The following AMZ2 variants were observed in gnomAD, a reference collection of about 807,000 sequenced individuals.
AMZ2 encodes the protein archaelysin family metallopeptidase 2.
In AMZ2, 26 loss-of-function variants were observed where a neutral mutation model predicts 36.7. The observed-to-expected ratio is 0.71, with a 90% CI of 0.52 to 0.98. AMZ2 has a LOEUF of 0.98. Ranked by LOEUF, AMZ2 falls within the 50% of genes least tolerant of loss-of-function variation. AMZ2 has a pLI of 0.00. For missense variants in AMZ2, 394 were observed against 430.5 expected (o/e 0.92, Z 0.75); for synonymous variants, 144 against 149.1 (o/e 0.97, Z 0.25).
intron 1 of AMZ2, among the ~76,000 whole-genome samples, chr17:68,219,858 A>G (rs2073302444): frequency 6.6e-6 from 1 of 152,074 alleles, no homozygotes; most frequent in Non-Finnish European, 1.5e-5. Context: ...TGAAGCTATT[A>G]TTGTTCATAG....
At chr17:68,216,811 A>C (rs1172044966) in intron 1 of AMZ2, among the ~76,000 whole-genome samples, 7 of 152,166 alleles carry the variant, frequency 4.6e-5, no homozygotes, top group Non-Finnish European at 1.0e-4. Context: ...CGGGCAGATC[A>C]CAAGGTCAGG....
intron 1 of AMZ2, among the ~76,000 whole-genome samples, chr17:68,211,798 G>GTATATGTATATA (rs1274662517): frequency 0.025 from 1,581 of 62,306 alleles, 67 homozygotes; most frequent in African/African-American, 0.11. Flanking sequence ...ATGTATATAT[G>GTATATGTATATA]TGTATATGTA....
chr17:68,242,635 AC>A (rs2073925429), intron 1 of AMZ2, among the ~76,000 whole-genome samples: 2 of 151,984 alleles, frequency 1.3e-5, no homozygotes, highest in African/African-American at 4.8e-5. Flanking sequence ...CAGGACTCAA[AC>A]CCCTGACCTC....
chr17:68,241,048 A>G (rs1204936079), intron 1 of AMZ2, among the ~76,000 whole-genome samples: 2 of 152,168 alleles, frequency 1.3e-5, no homozygotes, highest in Non-Finnish European at 2.9e-5. Context: ...AGGGGATCCA[A>G]CAGAGCAAAG....
intron 4 of AMZ2, among the ~76,000 whole-genome samples, chr17:68,252,446 G>A (rs1187067611): frequency 6.6e-6 from 1 of 152,122 alleles, no homozygotes; most frequent in Non-Finnish European, 1.5e-5. Context: ...TTTATCATAA[G>A]TTTTCTCTTT....
rs138397496 is a variant in AMZ2, at chr17:68,255,441, G to T, written c.751-259G>T. 1.8e-3 allele frequency among the ~76,000 whole-genome samples: 273 copies of T among 152,324 alleles called. 3 individuals are homozygous for T. Among genetic ancestry groups the T allele is most frequent in the African/African-American group, 6.1e-3 (255 of 41,578 alleles). On this transcript the variant is annotated intron_variant, in intron 5 of 6. Coordinates refer to ENST00000359904, the MANE Select transcript of AMZ2 (RefSeq NM_016627.5). ...GCTGCAAAGCATCGCACAGTGCACA[G>T]GACAGCCTCCCACAACCTGGTATTA...
chr17:68,251,292 C>T (rs2074450562), intron 4 of AMZ2, 114 bp downstream of exon 4: 1 of 925,782 alleles, frequency 1.1e-6, no homozygotes, highest in African/African-American at 2.5e-5. Context: ...AAAATATTTT[C>T]AGTTGAGACA....
intron 1 of AMZ2, among the ~76,000 whole-genome samples, chr17:68,210,563 C>A (rs148880107): frequency 6.6e-6 from 1 of 152,188 alleles, no homozygotes; most frequent in East Asian, 1.9e-4. Flanking sequence ...TTAATAGGTA[C>A]GAGTTTCCAT....
intron 1 of AMZ2, among the ~76,000 whole-genome samples, chr17:68,226,473 A>G (rs2073519672): frequency 6.6e-6 from 1 of 152,108 alleles, no homozygotes; most frequent in Non-Finnish European, 1.5e-5. Flanking sequence ...GTCCTCTACA[A>G]ATTGTCCAGC....
At chr17:68,222,643 G>A (rs1347101386) in intron 1 of AMZ2, among the ~76,000 whole-genome samples, 2 of 152,194 alleles carry the variant, frequency 1.3e-5, no homozygotes, top group Non-Finnish European at 1.5e-5. Flanking sequence ...GGGAGACAGC[G>A]ATAGATCATC....
rs181851615 is a variant in AMZ2 at position 68,216,758 on chromosome 17, C to T, written c.-67+10520C>T. 2.3e-3 allele frequency among the ~76,000 whole-genome samples: 352 copies of T among 152,238 alleles called. 5 individuals carry two copies. The highest frequency in any genetic ancestry group is 2.5e-3 in the East Asian group (13 of 5,180). On this transcript the variant is annotated intron_variant, in intron 1 of 7. Coordinates refer to the AMZ2 transcript ENST00000674770. ...ATTTATGAAATCTTTAGGCCGGGCA[C>T]GGTGGCTCACGCCTGTAATCCCAGC...
chr17:68,224,691 G>A lies in AMZ2; in HGVS notation c.-67+18453G>A, dbSNP rs537799558. ...AGGAGTTAGGACTACAGAGGCGTGC[G>A]ACAACATCTGGTTAATTTTTTTAAA... On this transcript the variant is annotated intron_variant, in intron 1 of 7. Coordinates refer to the AMZ2 transcript ENST00000674770. Among the ~76,000 whole-genome samples, 4 of 152,142 alleles carry A rather than the reference G, an allele frequency of 2.6e-5. No homozygotes were observed. The East Asian group carries it at 5.8e-4, about 22-fold the overall frequency.
At position 68,250,301 on chromosome 17, in the gene AMZ2, T is replaced by C. The variant is rs782282282; in HGVS notation, c.114T>C (p.Asn38=). 1.9e-6 allele frequency: 3 copies of C among 1,614,206 alleles called. No individual in the cohort carries two copies. ...ATGCTGGGGAACAACGTTTAATGAA[T>C]GAAGCCTTCCAGCCAGCCAGTGATC... The part of the protein sequence containing the change: ...KLNAGEQRLM[N]EAFQPASDLF... The change falls in exon 2 of 7, where the codon AAT becomes AAC. Residue 38 remains asparagine (N), a synonymous_variant. Transcript: ENST00000359904.
intron 1 of AMZ2, among the ~76,000 whole-genome samples, chr17:68,236,173 A>G (rs142667954): frequency 1.4e-4 from 22 of 151,924 alleles, no homozygotes; most frequent in African/African-American, 5.3e-4. Flanking sequence ...TACAATTATT[A>G]TTCAAAATAT....
At chr17:68,229,181 G>A (rs560974133) in intron 1 of AMZ2, among the ~76,000 whole-genome samples, 90 of 152,314 alleles carry the variant, frequency 5.9e-4, no homozygotes, top group African/African-American at 2.1e-3. Context: ...GGTAGGGGAC[G>A]TCACGGTGCT....
chr17:68,248,726 T>C (rs1599400301), intron 1 of AMZ2, 21 bp downstream of exon 1: 1 of 989,198 alleles, frequency 1.0e-6, no homozygotes, highest in Admixed American at 6.1e-5. Flanking sequence ...TACAGGAAGG[T>C]ACATCTTGTT....
At chr17:68,208,764 C>G (rs1310649518) in intron 1 of AMZ2, among the ~76,000 whole-genome samples, 13 of 152,176 alleles carry the variant, frequency 8.5e-5, no homozygotes, top group Non-Finnish European at 1.9e-4. Flanking sequence ...CCAGCGAGAC[C>G]ACGAACCAAC....
At position 68,221,227 on chromosome 17, in the gene AMZ2, G is replaced by A. The variant is rs1302876777; in HGVS notation, c.-67+14989G>A. 5.7e-4 allele frequency among the ~76,000 whole-genome samples: 5 copies of A among 8,768 alleles called. 1 individual carries two copies. The highest frequency in any genetic ancestry group is 4.5e-3 in the South Asian group (1 of 220). The allele number at this position is 8,768 out of a possible 152,430, so 5.8% of individuals were successfully genotyped here. On this transcript the variant is annotated intron_variant, in intron 1 of 7. Coordinates refer to the AMZ2 transcript ENST00000674770. Reference sequence around the variant, plus strand: ...CCTCAGCTCCCCCCCCCGCCCCCCCGGTAGCTAGGACCCCAAGTGCATGCC... The same window carrying A: ...CCTCAGCTCCCCCCCCCGCCCCCCCAGTAGCTAGGACCCCAAGTGCATGCC...
intron 1 of AMZ2, among the ~76,000 whole-genome samples, chr17:68,210,964 G>T (rs1555725761): frequency 1.4e-5 from 2 of 144,908 alleles, no homozygotes; most frequent in African/African-American, 5.1e-5. Context: ...AAAAGGGGGG[G>T]GGGGAGGTGG....
Sources: gnomAD v4.1 joint callset for allele counts (sites outside exome capture counted in the v4.1 genomes callset) on GRCh38, gnomAD v4.1.1 for gene constraint, MANE v1.5 for transcripts, NCBI Gene and HGNC (gene_info 2026-07-23, HGNC 2026-07-21) for gene names.